Variants in RIMBP2 observed in about 807,000 individuals in gnomAD.
RIMBP2 encodes the protein RIMS-binding protein 2.
RIMBP2 carries 48 observed loss-of-function variants against 118.6 expected under a neutral mutation model. The observed-to-expected ratio is 0.40, with a 90% CI of 0.32 to 0.51. The LOEUF is 0.51. Ranked by LOEUF, RIMBP2 falls within the 20% of genes least tolerant of loss-of-function variation. The pLI is 0.41. For synonymous variants in RIMBP2, 762 were observed against 742.9 expected, an observed-to-expected ratio of 1.03 and a Z score of -0.42; for missense variants, 1,551 against 1,768.3, an observed-to-expected ratio of 0.88 and a Z score of 2.20.
intron 1 of RIMBP2, among the ~76,000 whole-genome samples, chr12:130,643,913 G>T (rs979858346): frequency 2.0e-5 from 3 of 152,152 alleles, no homozygotes; most frequent in Non-Finnish European, 4.4e-5. Flanking sequence ...TGTGGTCAAG[G>T]TGGGCCCCCC....
At chr12:130,449,263 C>T (rs1442618372) in intron 9 of RIMBP2, among the ~76,000 whole-genome samples, 1 of 152,248 alleles carries the variant, frequency 6.6e-6, no homozygotes, top group South Asian at 2.1e-4. Flanking sequence ...CCCAAGTGTC[C>T]GCCCATGGGC....
chr12:130,538,659 C>G (rs191715609), intron 2 of RIMBP2, among the ~76,000 whole-genome samples: 135 of 152,274 alleles, frequency 8.9e-4, no homozygotes, highest in African/African-American at 2.9e-3. Flanking sequence ...TCTGAAATGG[C>G]AAAATGGGTT....
intron 2 of RIMBP2, among the ~76,000 whole-genome samples, chr12:130,583,553 A>G (rs1270142403): frequency 1.3e-5 from 2 of 151,840 alleles, no homozygotes; most frequent in African/African-American, 4.8e-5. Flanking sequence ...CATCATCACC[A>G]CGACCATCAC....
chr12:130,701,803 G>A (rs925019156), intron 1 of RIMBP2, among the ~76,000 whole-genome samples: 2 of 152,080 alleles, frequency 1.3e-5, no homozygotes, highest in East Asian at 1.9e-4. Flanking sequence ...GGCAAAACAA[G>A]TTATACCTGA....
intron 14 of RIMBP2, among the ~76,000 whole-genome samples, chr12:130,432,865 G>A (rs73150901): frequency 0.054 from 8,286 of 152,248 alleles, 322 homozygotes; most frequent in Middle Eastern, 0.078. Flanking sequence ...CCTATCTCCA[G>A]AACTCACCCA....
At chr12:130,675,546 TGCCTCCAGGCCGTCC>T (rs1425014751) in intron 1 of RIMBP2, among the ~76,000 whole-genome samples, 137 of 1,454 alleles carry the variant, frequency 0.094, no homozygotes, top group African/African-American at 0.19. Context: ...TCCACCCCCA[TGCCTCCAGGCCGTCC>T]ACCCCCATGC....
chr12:130,437,033 C>T lies in RIMBP2; in HGVS notation c.1915G>A (p.Asp639Asn), dbSNP rs1213630148. ...GCACGGCTCTGCTCCCAGGCCTCAT[C>T]CATCCTGGCGTGGGGACCCAGGTGC... is the stretch of plus-strand genomic sequence containing the variant. ...DEHLGPHARM[D>N]EAWEQSRAPG... is the part of the protein sequence containing the mutation. The change falls in exon 13 of 23, where the codon GAT becomes AAT. Residue 639 changes from aspartate (D) to asparagine (N), a missense_variant. By Grantham distance (23) the Asp-to-Asn change is conservative (BLOSUM62 1). Around this residue, in one of 5 missense-constraint regions of RIMBP2, gnomAD observed 1,038 missense variants for 1,125.1 expected, o/e 0.92. Coordinates refer to ENST00000690449, the MANE Select transcript of RIMBP2 (RefSeq NM_001393629.1). 3 of 1,583,440 alleles carry T rather than the reference C, an allele frequency of 1.9e-6. No homozygotes were observed. Among genetic ancestry groups the T allele is most frequent in the South Asian group, 1.2e-5 (1 of 86,684 alleles).
At chr12:130,399,140 G>A in intron 22 of RIMBP2, 5 of 1,398,462 alleles carry the variant, frequency 3.6e-6, no homozygotes, top group Non-Finnish European at 4.7e-6. Flanking sequence ...CCTGATTAAG[G>A]TGTGAAATGA....
At chr12:130,403,063 A>G (rs1228065808) in intron 21 of RIMBP2, among the ~76,000 whole-genome samples, 1 of 152,230 alleles carries the variant, frequency 6.6e-6, no homozygotes, top group Non-Finnish European at 1.5e-5. Flanking sequence ...GGGATATAGC[A>G]GAACAGAGAA....
chr12:130,460,129 G>C (rs2079844682), intron 6 of RIMBP2, among the ~76,000 whole-genome samples: 1 of 152,186 alleles, frequency 6.6e-6, no homozygotes, highest in Non-Finnish European at 1.5e-5. Context: ...GGCTCACCAA[G>C]GAACCCTGAG....
chr12:130,407,911 A>G (rs1441277356), intron 19 of RIMBP2, 82 bp from the exon 20 acceptor site: 5 of 1,263,608 alleles, frequency 4.0e-6, no homozygotes, highest in Admixed American at 1.7e-5. Flanking sequence ...CGGGTCACAC[A>G]TGGCCAATAC....
chr12:130,512,163 T>C (rs902923649), intron 3 of RIMBP2, among the ~76,000 whole-genome samples: 4 of 152,152 alleles, frequency 2.6e-5, no homozygotes, highest in Non-Finnish European at 2.9e-5. Flanking sequence ...GAAGACAGCC[T>C]GGCAGTTTCT....
At chr12:130,588,783 G>A (rs1329058971) in intron 2 of RIMBP2, among the ~76,000 whole-genome samples, 1 of 152,220 alleles carries the variant, frequency 6.6e-6, no homozygotes, top group Non-Finnish European at 1.5e-5. Context: ...TTCATTCCCA[G>A]ATGAAACAGG....
intron 4 of RIMBP2, among the ~76,000 whole-genome samples, chr12:130,487,750 G>A (rs2138349662): frequency 1.3e-5 from 2 of 152,220 alleles, no homozygotes; most frequent in South Asian, 2.1e-4. Context: ...AGAACCACAG[G>A]ATCACAGGAC....
Position 130,581,671 on chromosome 12 carries a change from C to A in RIMBP2, c.-217+46651G>T, listed in dbSNP as rs148801920. 6.6e-6 allele frequency among the ~76,000 whole-genome samples: 1 copy of A among 152,188 alleles called. No homozygotes were observed. Among genetic ancestry groups the A allele is most frequent in the Admixed American group, 6.5e-5 (1 of 15,280 alleles). On this transcript the variant is annotated intron_variant, in intron 2 of 22. Coordinates refer to ENST00000690449, the MANE Select transcript of RIMBP2 (RefSeq NM_001393629.1). The surrounding 1 kb of genome is among the most constrained non-coding windows in gnomAD (Gnocchi z 4.4). ...CTCTGACTTCAGGACATACCCGGAA[C>A]GTAAGTACTTTCTCCACAGCTACTG...
rs116436620 is a variant in RIMBP2, at chr12:130,469,880, T to A, written c.153+813A>T. ...CTTGAGGGGGTGGTGAATTACACGA[T>A]CCTTGACTTCGGCAGGTGGGGGCCC... is the stretch of plus-strand genomic sequence containing the variant. On this transcript the variant is annotated intron_variant, in intron 6 of 22. Coordinates refer to ENST00000690449, the MANE Select transcript of RIMBP2 (RefSeq NM_001393629.1). This position sits in a 1 kb window ranked among gnomAD's most constrained non-coding sequence, Gnocchi z 4.8. Among the ~76,000 whole-genome samples the A allele has an allele frequency of 7.1e-3, 1,081 of 152,234 alleles. 11 individuals are homozygous for A. The highest frequency in any genetic ancestry group is 0.025 in the African/African-American group (1,020 of 41,542).
At chr12:130,707,225 GTCGTA>G (rs962498422) in intron 1 of RIMBP2, among the ~76,000 whole-genome samples, 1 of 152,130 alleles carries the variant, frequency 6.6e-6, no homozygotes. Flanking sequence ...CCAACTGCCA[GTCGTA>G]TCCAGCTGCA....
At chr12:130,646,409 A>C (rs1342631755) in intron 1 of RIMBP2, among the ~76,000 whole-genome samples, 2 of 122,170 alleles carry the variant, frequency 1.6e-5, no homozygotes, top group Admixed American at 8.4e-5. Context: ...CTGCCTCTCC[A>C]CCTCCCTCAC....
intron 2 of RIMBP2, among the ~76,000 whole-genome samples, chr12:130,540,567 T>G (rs545015975): frequency 7.9e-5 from 12 of 152,138 alleles, no homozygotes; most frequent in Non-Finnish European, 1.3e-4. Flanking sequence ...GGTCACCGCA[T>G]CTGGACAGTG....
Sources: gnomAD v4.1 joint callset for allele counts (sites outside exome capture counted in the v4.1 genomes callset) on GRCh38, gnomAD v4.1.1 for gene constraint, gnomAD v4.1.1 regional missense constraint, Gnocchi (gnomAD v3.1) non-coding constraint, MANE v1.5 for transcripts, NCBI Gene and HGNC (gene_info 2026-07-23, HGNC 2026-07-21) for gene names.